The following WDFY3 variants were observed in gnomAD, a reference collection of about 807,000 sequenced individuals.
WDFY3 encodes the protein WD repeat and FYVE domain containing 3, also known as WD repeat and FYVE domain-containing protein 3.
Under a neutral mutation model 409.6 loss-of-function variants are expected in WDFY3, and 66 were observed. The observed-to-expected ratio is 0.16, with a 90% CI of 0.13 to 0.20. WDFY3 has a LOEUF of 0.20. WDFY3 is among the 10% of genes least tolerant of loss of function. The probability of loss-of-function intolerance (pLI) is 1.00; values close to 1 mark genes in which losing one functional copy is unlikely to be tolerated. For synonymous variants in WDFY3, 1,521 were observed against 1,537.1 expected, an observed-to-expected ratio of 0.99 and a Z score of 0.25; for missense variants, 3,031 against 4,298.1, an observed-to-expected ratio of 0.71 and a Z score of 8.24.
At chr4:84,706,139 T>C (rs566375933) in intron 53 of WDFY3, among the ~76,000 whole-genome samples, 3 of 152,318 alleles carry the variant, frequency 2.0e-5, no homozygotes, top group South Asian at 4.1e-4. Context: ...AATTCATATA[T>C]TTAAAAGGAA....
At chr4:84,794,470 G>T (rs778810221) in intron 21 of WDFY3, 49 bp downstream of exon 21, 2 of 1,521,202 alleles carry the variant, frequency 1.3e-6, no homozygotes, top group Non-Finnish European at 1.8e-6. Context: ...CAAAAATGAA[G>T]TTTTAATACT....
chr4:84,839,551 C>G (rs1204805918), intron 6 of WDFY3, among the ~76,000 whole-genome samples: 2 of 151,484 alleles, frequency 1.3e-5, no homozygotes, highest in Non-Finnish European at 2.9e-5. Context: ...TACACTAATT[C>G]CCTGAGTTAA....
intron 56 of WDFY3, among the ~76,000 whole-genome samples, chr4:84,700,860 G>A (rs1730970158): frequency 6.6e-6 from 1 of 152,178 alleles, no homozygotes; most frequent in African/African-American, 2.4e-5. Context: ...CACTGAGACG[G>A]GCAGATCACT....
chr4:84,829,028 T>G lies in WDFY3; in HGVS notation c.932A>C (p.Asn311Thr), dbSNP rs1755273620. 1 of 1,611,946 alleles carries G rather than the reference T, an allele frequency of 6.2e-7. No individual in the cohort carries two copies. The highest frequency in any genetic ancestry group is 1.7e-5 in the Admixed American group (1 of 59,664). ...CCTAAGCAAGAGATCACAAAGAAAA[T>G]TATATCCTTGCCATATCCGAAAATC... ...LDDFRIWQGY[N>T]FLCDLLLRLE... Residue 311 changes from asparagine (N) to threonine (T), a missense_variant, in exon 9 of 68, where the codon AAT becomes ACT. Physicochemically the swap from Asn to Thr is moderately conservative, Grantham distance 65. Transcript: ENST00000295888.
At chr4:84,804,362 T>C (rs2149678770) in intron 15 of WDFY3, among the ~76,000 whole-genome samples, 1 of 152,324 alleles carries the variant, frequency 6.6e-6, no homozygotes, top group South Asian at 2.1e-4. Context: ...TTTAGCTCTC[T>C]GGGACAAGAG....
intron 13 of WDFY3, among the ~76,000 whole-genome samples, chr4:84,811,627 T>C (rs745661156): frequency 1.1e-4 from 16 of 152,186 alleles, no homozygotes; most frequent in Admixed American, 2.6e-4. Context: ...GTGGGCTCCT[T>C]TGCCCTCTGT....
intron 12 of WDFY3, among the ~76,000 whole-genome samples, chr4:84,819,768 T>C (rs1373256239): frequency 1.3e-5 from 2 of 152,080 alleles, no homozygotes; most frequent in African/African-American, 4.8e-5. Context: ...GTAAAGAAAA[T>C]ATTTTAGAAA....
intron 32 of WDFY3, among the ~76,000 whole-genome samples, chr4:84,761,766 G>GA (rs1040996539): frequency 6.6e-6 from 1 of 151,850 alleles, no homozygotes; most frequent in Non-Finnish European, 1.5e-5. Context: ...AAATTTACAA[G>GA]AAAAAAACAA....
intron 2 of WDFY3, among the ~76,000 whole-genome samples, chr4:84,922,575 A>C (rs1365266390): frequency 6.6e-6 from 1 of 152,144 alleles, no homozygotes; most frequent in Non-Finnish European, 1.5e-5. Flanking sequence ...TATAGGTCTA[A>C]GCATGTAAAT....
chr4:84,929,642 G>C (rs1258264833), intron 2 of WDFY3, among the ~76,000 whole-genome samples: 21 of 152,136 alleles, frequency 1.4e-4, no homozygotes, highest in Admixed American at 1.4e-3. Context: ...GGGCGTGGTG[G>C]CTCACGCCTA....
rs1221386334 is a variant in WDFY3 at position 84,690,661 on chromosome 4, T to A, written c.9208A>T (p.Met3070Leu). 1 of 1,611,400 alleles carries A rather than the reference T, an allele frequency of 6.2e-7. No homozygotes were observed. The highest frequency in any genetic ancestry group is 1.3e-5 in the African/African-American group (1 of 74,958). ...RLGTYESDKA[M>L]TVYECLSEWG... ...TCAGACAAGCATTCATAAACAGTCA[T>A]GGCCTATAAAGTAAAACGGATGTGA... Residue 3070 changes from methionine to leucine, a missense_variant, in exon 61 of 68, where the codon ATG becomes TTG. Transcript: ENST00000295888.
intron 36 of WDFY3, 43 bp from the exon 37 acceptor site, chr4:84,743,842 C>CA: frequency 1.4e-6 from 2 of 1,391,206 alleles, no homozygotes; most frequent in Non-Finnish European, 2.0e-6. Flanking sequence ...CCAACTAAAA[C>CA]AAAAATATGA....
chr4:84,851,016 G>A (rs1379090515), intron 4 of WDFY3, among the ~76,000 whole-genome samples: 2 of 118,596 alleles, frequency 1.7e-5, no homozygotes, highest in African/African-American at 6.6e-5. Context: ...TGAACTCCTG[G>A]GTTCAAGCTA....
At chr4:84,703,166 G>T (rs1367320550) in intron 55 of WDFY3, among the ~76,000 whole-genome samples, 1 of 151,388 alleles carries the variant, frequency 6.6e-6, no homozygotes, top group East Asian at 1.9e-4. Context: ...CACAAGAAAA[G>T]ATTCTAATGT....
chr4:84,962,921 G>A (rs1444667847), intron 1 of WDFY3, among the ~76,000 whole-genome samples: 1 of 151,650 alleles, frequency 6.6e-6, no homozygotes, highest in Non-Finnish European at 1.5e-5. Context: ...TGATTCATCT[G>A]CCTCGGCCTC....
intron 44 of WDFY3, among the ~76,000 whole-genome samples, chr4:84,728,453 C>T (rs1736027836): frequency 6.6e-6 from 1 of 151,770 alleles, no homozygotes; most frequent in African/African-American, 2.4e-5. Flanking sequence ...TTACTTGAGC[C>T]CAGGAGGTCC....
intron 58 of WDFY3, among the ~76,000 whole-genome samples, chr4:84,693,308 A>C (rs958222279): frequency 6.6e-6 from 1 of 152,218 alleles, no homozygotes; most frequent in East Asian, 1.9e-4. Flanking sequence ...TTCTCAAAGA[A>C]AGTCAATCTA....
chr4:84,695,246 G>A (rs1413155569), intron 58 of WDFY3, among the ~76,000 whole-genome samples: 2 of 152,084 alleles, frequency 1.3e-5, no homozygotes, highest in Non-Finnish European at 2.9e-5. Flanking sequence ...GGTGCTGAGA[G>A]GCTTAGATCT....
At chr4:84,766,918 A>G (rs1743751563) in intron 30 of WDFY3, among the ~76,000 whole-genome samples, 1 of 152,258 alleles carries the variant, frequency 6.6e-6, no homozygotes, top group Non-Finnish European at 1.5e-5. Context: ...AGACATTCTC[A>G]GATAGTACTG....
Sources: allele counts gnomAD v4.1 joint callset (sites outside exome capture counted in the v4.1 genomes callset), GRCh38; gene constraint gnomAD v4.1.1; transcripts MANE v1.5; gene names NCBI Gene and HGNC (gene_info 2026-07-23, HGNC 2026-07-21).